The following C1QTNF7 variants were observed in gnomAD, a reference collection of about 807,000 sequenced individuals.
C1QTNF7 encodes the protein C1q and TNF related 7.
C1QTNF7 carries 15 observed loss-of-function variants against 19.6 expected under a neutral mutation model. That is an observed-to-expected ratio of 0.76 (90% confidence interval 0.51 to 1.18). The LOEUF (loss-of-function observed/expected upper bound fraction) is 1.18. Among genes scored for constraint, C1QTNF7 ranks in the 50% most tolerant of loss-of-function variants. The probability of loss-of-function intolerance (pLI) is 0.00; values close to 1 mark genes in which losing one functional copy is unlikely to be tolerated. For synonymous variants in C1QTNF7, 142 were observed against 137.5 expected, an observed-to-expected ratio of 1.03 and a Z score of -0.23; for missense variants, 324 against 359.7, an observed-to-expected ratio of 0.90 and a Z score of 0.80.
At chr4:15,402,587 G>T (rs1329953839) in intron 1 of C1QTNF7, among the ~76,000 whole-genome samples, 1 of 152,158 alleles carries the variant, frequency 6.6e-6, no homozygotes, top group African/African-American at 2.4e-5. Context: ...GAGGCTAGGG[G>T]TGGAAGGGAA....
At position 15,395,587 on chromosome 4, in the gene C1QTNF7, T is replaced by C. The variant is rs1173278371; in HGVS notation, c.14-40149T>C. Among the ~76,000 whole-genome samples the C allele has an allele frequency of 3.3e-5, 5 of 152,288 alleles. No individual in the cohort carries two copies. The East Asian group carries it at 9.7e-4, about 29-fold the overall frequency. On this transcript the variant is annotated intron_variant, in intron 1 of 2. Coordinates refer to the C1QTNF7 transcript ENST00000295297. ...AAAGAGGCCAGTATACTCAGACTCG[T>C]AACTCAGACATTCTCTACCAGGAGG...
chr4:15,409,832 C>A (rs1203812677), intron 1 of C1QTNF7, among the ~76,000 whole-genome samples: 3 of 152,186 alleles, frequency 2.0e-5, no homozygotes, highest in African/African-American at 7.2e-5. Flanking sequence ...TAGGACAATA[C>A]ATATAAAGCA....
intron 1 of C1QTNF7, among the ~76,000 whole-genome samples, chr4:15,390,198 T>A (rs1429188931): frequency 6.6e-6 from 1 of 152,198 alleles, no homozygotes; most frequent in Non-Finnish European, 1.5e-5. Flanking sequence ...AGGGGAGTCC[T>A]CCAGGAAGGG....
At chr4:15,428,934 T>G (rs559043497) in intron 1 of C1QTNF7, among the ~76,000 whole-genome samples, 1 of 152,366 alleles carries the variant, frequency 6.6e-6, no homozygotes, top group African/African-American at 2.4e-5. Flanking sequence ...CAGCCCTTTG[T>G]CATGAAGTAA....
intron 1 of C1QTNF7, among the ~76,000 whole-genome samples, chr4:15,408,229 G>A (rs113907420): frequency 2.8e-5 from 4 of 141,946 alleles, no homozygotes; most frequent in African/African-American, 1.1e-4. Context: ...CCGTAATTGC[G>A]TCACTGCACT....
chr4:15,374,719 G>C, intron 1 of C1QTNF7: 1 of 985,360 alleles, frequency 1.0e-6, no homozygotes, highest in Non-Finnish European at 1.2e-6. Flanking sequence ...CTCCACATCT[G>C]CGCACACTAG....
chr4:15,346,727 A>G (rs1416033185), intron 1 of C1QTNF7, among the ~76,000 whole-genome samples: 1 of 152,328 alleles, frequency 6.6e-6, no homozygotes, highest in East Asian at 1.9e-4. Context: ...TCACAGGTGT[A>G]TCTATCAATT....
intron 1 of C1QTNF7, among the ~76,000 whole-genome samples, chr4:15,431,173 G>C (rs1333783793): frequency 6.6e-6 from 1 of 152,062 alleles, no homozygotes; most frequent in Admixed American, 6.6e-5. Flanking sequence ...ATAGGAAACT[G>C]GTTAAATATT....
At chr4:15,390,995 A>G (rs144948918) in intron 1 of C1QTNF7, among the ~76,000 whole-genome samples, 27 of 152,274 alleles carry the variant, frequency 1.8e-4, no homozygotes, top group African/African-American at 6.0e-4. Context: ...AATTGAAAGC[A>G]ATGGAACACC....
chr4:15,407,477 G>T (rs758294582), intron 1 of C1QTNF7, among the ~76,000 whole-genome samples: 1 of 152,112 alleles, frequency 6.6e-6, no homozygotes, highest in Non-Finnish European at 1.5e-5. Context: ...GATGTTAGCC[G>T]CAAGCCTAAT....
chr4:15,422,414 T>C (rs1711821783), intron 1 of C1QTNF7, among the ~76,000 whole-genome samples: 1 of 152,118 alleles, frequency 6.6e-6, no homozygotes, highest in Non-Finnish European at 1.5e-5. Flanking sequence ...AAGAGCTTAC[T>C]TGGAAAATCC....
At chr4:15,427,057 A>G (rs566976278), upstream of C1QTNF7, among the ~76,000 whole-genome samples, 1 of 152,320 alleles carries the variant, frequency 6.6e-6, no homozygotes, top group South Asian at 2.1e-4. Context: ...TGGAAAGCCA[A>G]CAAATTCAAA....
At chr4:15,381,391 A>G (rs1194605161) in intron 1 of C1QTNF7, among the ~76,000 whole-genome samples, 1 of 150,238 alleles carries the variant, frequency 6.7e-6, no homozygotes, top group Non-Finnish European at 1.5e-5. Context: ...CACTGCACTC[A>G]AGCCTGGGCA....
At chr4:15,373,444 G>A (rs548185286) in intron 1 of C1QTNF7, among the ~76,000 whole-genome samples, 5 of 152,146 alleles carry the variant, frequency 3.3e-5, no homozygotes, top group Non-Finnish European at 7.3e-5. Flanking sequence ...TTCAAACCAT[G>A]GCAACTACTT....
chr4:15,340,332 C>T (rs899198957), intron 1 of C1QTNF7: 13 of 1,205,192 alleles, frequency 1.1e-5, no homozygotes, highest in Non-Finnish European at 1.3e-5. Flanking sequence ...AAAAATATGT[C>T]AACAAATGAT....
intron 1 of C1QTNF7, among the ~76,000 whole-genome samples, chr4:15,347,064 T>C (rs891602160): frequency 6.6e-6 from 1 of 152,358 alleles, no homozygotes; most frequent in East Asian, 1.9e-4. Flanking sequence ...ATGATCCCAA[T>C]ATAATCTAGA....
At chr4:15,413,601 G>T (rs1719483500) in intron 1 of C1QTNF7, among the ~76,000 whole-genome samples, 1 of 152,188 alleles carries the variant, frequency 6.6e-6, no homozygotes, top group Non-Finnish European at 1.5e-5. Flanking sequence ...AATTTGTTGA[G>T]CTCTTTACTG....
intron 1 of C1QTNF7, among the ~76,000 whole-genome samples, chr4:15,377,894 T>C (rs1718002637): frequency 6.6e-6 from 1 of 152,204 alleles, no homozygotes; most frequent in South Asian, 2.1e-4. Context: ...AAGAGTTCCT[T>C]TCCTCTTTAG....
chr4:15,397,439 C>T (rs1255263928), intron 1 of C1QTNF7, among the ~76,000 whole-genome samples: 3 of 152,232 alleles, frequency 2.0e-5, no homozygotes, highest in African/African-American at 7.2e-5. Context: ...TCATCCCCTA[C>T]TCAAATTCAG....
Sources: gnomAD v4.1 joint callset for allele counts (sites outside exome capture counted in the v4.1 genomes callset) on GRCh38, gnomAD v4.1.1 for gene constraint, MANE v1.5 for transcripts, NCBI Gene and HGNC (gene_info 2026-07-23, HGNC 2026-07-21) for gene names.